The following PIEZO2 variants were observed in gnomAD, a reference collection of about 807,000 sequenced individuals.
PIEZO2 encodes piezo type mechanosensitive ion channel component 2.
Under a neutral mutation model 337.3 loss-of-function variants are expected in PIEZO2, and 172 were observed. The ratio of observed to expected loss-of-function variants is 0.51; its 90% CI spans 0.45 to 0.58. The LOEUF is 0.58. Ranked by LOEUF, PIEZO2 falls within the 20% of genes least tolerant of loss-of-function variation. The pLI is 0.00. For synonymous variants in PIEZO2, 1,251 were observed against 1,228.5 expected (o/e 1.02, Z -0.38); for missense variants, 3,028 against 3,391.3 (o/e 0.89, Z 2.66).
intron 1 of PIEZO2, among the ~76,000 whole-genome samples, chr18:11,086,494 GGGCAACA>G (rs1428895716): frequency 6.8e-6 from 1 of 146,856 alleles, no homozygotes; most frequent in East Asian, 1.9e-4. Flanking sequence ...ACTCCAGCCT[GGGCAACA>G]GAGCGAGACT....
chr18:11,041,733 AAATGAATG>A (rs1338576723), intron 2 of PIEZO2, among the ~76,000 whole-genome samples: 18 of 152,386 alleles, frequency 1.2e-4, no homozygotes, highest in African/African-American at 4.3e-4. Context: ...ATAAAAATGT[AAATGAATG>A]TAAATGCTAT....
chr18:10,971,381 T>A (rs1160260775), intron 3 of PIEZO2, among the ~76,000 whole-genome samples: 1 of 152,034 alleles, frequency 6.6e-6, no homozygotes, highest in Non-Finnish European at 1.5e-5. Context: ...AGGAAAAACA[T>A]CTCCAATTTC....
intron 4 of PIEZO2, among the ~76,000 whole-genome samples, chr18:10,887,649 C>T (rs1245750187): frequency 6.6e-6 from 1 of 152,210 alleles, no homozygotes; most frequent in Non-Finnish European, 1.5e-5. Flanking sequence ...GCATTTTGTA[C>T]TTGTTTGTGC....
chr18:10,774,208 G>A (rs769654480), intron 18 of PIEZO2, among the ~76,000 whole-genome samples, 170 bp from the exon 19 acceptor site: 5 of 152,168 alleles, frequency 3.3e-5, no homozygotes, highest in South Asian at 2.1e-4. Context: ...CATCAATAGC[G>A]TGCTTTGCTC....
At chr18:11,090,855 AGTGAGCC>A (rs2039060188) in intron 1 of PIEZO2, among the ~76,000 whole-genome samples, 1 of 150,246 alleles carries the variant, frequency 6.7e-6, no homozygotes, top group East Asian at 2.0e-4. Context: ...CAAAGCTTGC[AGTGAGCC>A]GAGATCGCGC....
rs573654267 is a variant in PIEZO2, at chr18:10,866,396, C to T, written c.492+4857G>A. 2.7e-3 allele frequency among the ~76,000 whole-genome samples: 413 copies of T among 152,040 alleles called. 3 individuals are homozygous for T. Among genetic ancestry groups the T allele is most frequent in the Middle Eastern group, 0.02 (6 of 294 alleles). ...TGCCTCCCAGGTTCAAGCGATTCTC[C>T]TGCCTCAGCCTCCTGAGTAGGTGGG... On this transcript the variant is annotated intron_variant, in intron 5 of 55. Coordinates refer to ENST00000674853, the MANE Select transcript of PIEZO2 (RefSeq NM_001378183.1).
chr18:10,811,742 T>G (rs1472601468), intron 7 of PIEZO2, among the ~76,000 whole-genome samples: 2 of 152,272 alleles, frequency 1.3e-5, no homozygotes, highest in Non-Finnish European at 1.5e-5. Flanking sequence ...TGTTCTCTAC[T>G]GGCTATTAAC....
At position 10,982,537 on chromosome 18, in the gene PIEZO2, C is replaced by G. The variant is rs887779831; in HGVS notation, c.161-2877G>C. Among the ~76,000 whole-genome samples the G allele has an allele frequency of 2.0e-5, 3 of 152,062 alleles. No homozygotes were observed. Among genetic ancestry groups the G allele is most frequent in the Non-Finnish European group, 2.9e-5 (2 of 68,000 alleles). ...CCAGTAGAAACTTTTACACCTTTGA[C>G]AAGTATATTTCAAAATATGTAAGAA... On this transcript the variant is annotated intron_variant, in intron 2 of 55. Coordinates refer to ENST00000674853, the MANE Select transcript of PIEZO2 (RefSeq NM_001378183.1). This position sits in a 1 kb window ranked among gnomAD's most constrained non-coding sequence, Gnocchi z 4.1.
intron 22 of PIEZO2, 86 bp from the exon 23 acceptor site, chr18:10,762,711 A>G (rs1442331375): frequency 1.4e-6 from 2 of 1,455,838 alleles, no homozygotes; most frequent in Non-Finnish European, 9.2e-7. Flanking sequence ...CTTGAGCAAA[A>G]TGATAGTGGT....
At chr18:10,955,964 C>A (rs920848325) in intron 3 of PIEZO2, among the ~76,000 whole-genome samples, 1 of 152,156 alleles carries the variant, frequency 6.6e-6, no homozygotes, top group African/African-American at 2.4e-5. Flanking sequence ...AATGAATAAA[C>A]CTGAGCTGTG....
chr18:10,726,480 T>C lies in PIEZO2; in HGVS notation c.5029+4927A>G, dbSNP rs914689856. ...CCCCACGAGGAGGGCCTGGCCACCC[T>C]GCACAGCGTGCTGCTCCGCAAGCAG... On this transcript the variant is annotated intron_variant, in intron 36 of 55. Transcript: ENST00000674853. This position sits in a 1 kb window ranked among gnomAD's most constrained non-coding sequence, Gnocchi z 5.9. 1.3e-5 allele frequency: 19 copies of C among 1,519,886 alleles called. No individual in the cohort carries two copies. The African/African-American group carries it at 2.2e-4, about 18-fold the overall frequency. The allele number at this position is 1,519,886 out of a possible 1,614,324, so 94.1% of individuals were successfully genotyped here.
rs961487739 is a variant in PIEZO2 at position 11,116,449 on chromosome 18, C to T, written c.64+32076G>A. 2.0e-5 allele frequency among the ~76,000 whole-genome samples: 3 copies of T among 151,998 alleles called. No individual in the cohort carries two copies. The highest frequency in any genetic ancestry group is 7.2e-5 in the African/African-American group (3 of 41,386). ...AATTTGCAGGCCGGGCGCGGTGGCTCACGCCTGTAAACCCAGCACTTTGGG... is the reference window on the plus strand; with the variant it reads ...AATTTGCAGGCCGGGCGCGGTGGCTTACGCCTGTAAACCCAGCACTTTGGG... On this transcript the variant is annotated intron_variant, in intron 1 of 55. Coordinates refer to ENST00000674853, the MANE Select transcript of PIEZO2 (RefSeq NM_001378183.1). The surrounding 1 kb of genome is among the most constrained non-coding windows in gnomAD (Gnocchi z 5.0).
intron 3 of PIEZO2, among the ~76,000 whole-genome samples, chr18:10,975,799 G>A (rs952288555): frequency 7.2e-5 from 11 of 152,136 alleles, no homozygotes; most frequent in African/African-American, 1.7e-4. Context: ...ATAAATGAGC[G>A]CTTGGTGGTC....
At chr18:10,896,667 C>T (rs2042911238) in intron 4 of PIEZO2, among the ~76,000 whole-genome samples, 1 of 152,220 alleles carries the variant, frequency 6.6e-6, no homozygotes, top group African/African-American at 2.4e-5. Flanking sequence ...TGCTGCCTCC[C>T]TGTGCTACTG....
chr18:10,733,592 G>A (rs1375986601), intron 35 of PIEZO2, among the ~76,000 whole-genome samples: 5 of 152,030 alleles, frequency 3.3e-5, no homozygotes, highest in Middle Eastern at 3.2e-3. Flanking sequence ...GGGACTACAG[G>A]CGCCTGCCAC....
chr18:10,764,584 C>T (rs1440255515), intron 21 of PIEZO2, among the ~76,000 whole-genome samples: 4 of 100,024 alleles, frequency 4.0e-5, no homozygotes, highest in Non-Finnish European at 5.8e-5. Context: ...AGTGACACTA[C>T]GTCTCAAAAA....
At chr18:10,691,798 TATAGAG>T (rs1567953237) in intron 47 of PIEZO2, among the ~76,000 whole-genome samples, 1 of 74,000 alleles carries the variant, frequency 1.4e-5, no homozygotes, top group Non-Finnish European at 2.8e-5. Context: ...TATATATATA[TATAGAG>T]AGAGAGAGAG....
rs2036134666 is a variant in PIEZO2 at position 11,016,912 on chromosome 18, T to C, written c.161-37252A>G. Among the ~76,000 whole-genome samples, 1 of 152,222 alleles carries C rather than the reference T, an allele frequency of 6.6e-6. No individual in the cohort carries two copies. Among genetic ancestry groups the C allele is most frequent in the Non-Finnish European group, 1.5e-5 (1 of 68,040 alleles). ...TTCATTATTTACTTGGTCCTGCTGATGTTTAAACATGGAGTTGGGAGAGAC... is the reference window on the plus strand; with the variant it reads ...TTCATTATTTACTTGGTCCTGCTGACGTTTAAACATGGAGTTGGGAGAGAC... On this transcript the variant is annotated intron_variant, in intron 2 of 55. Coordinates refer to ENST00000674853, the MANE Select transcript of PIEZO2 (RefSeq NM_001378183.1). This position sits in a 1 kb window ranked among gnomAD's most constrained non-coding sequence, Gnocchi z 5.6.
chr18:10,920,394 A>T (rs1453647172), intron 3 of PIEZO2, among the ~76,000 whole-genome samples: 1 of 152,154 alleles, frequency 6.6e-6, no homozygotes, highest in Non-Finnish European at 1.5e-5. Flanking sequence ...GGGACTGAAA[A>T]TTCCTGGCAA....
Sources: allele counts gnomAD v4.1 joint callset (sites outside exome capture counted in the v4.1 genomes callset), GRCh38; gene constraint gnomAD v4.1.1; non-coding constraint Gnocchi (gnomAD v3.1); transcripts MANE v1.5; gene names NCBI Gene and HGNC (gene_info 2026-07-23, HGNC 2026-07-21).